Variants in CALCRL observed in about 807,000 individuals in gnomAD.
The protein encoded by CALCRL is calcitonin gene-related peptide type 1 receptor.
Under a neutral mutation model 60.4 loss-of-function variants are expected in CALCRL, and 27 were observed. The ratio of observed to expected loss-of-function variants is 0.45; its 90% confidence interval spans 0.33 to 0.62. The LOEUF (loss-of-function observed/expected upper bound fraction) is 0.62. CALCRL is among the 20% of genes least tolerant of loss of function. The pLI is 0.03. For synonymous variants in CALCRL, 190 were observed against 182.6 expected (o/e 1.04, Z -0.33); for missense variants, 424 against 540.7 (o/e 0.78, Z 2.14).
intron 1 of CALCRL, among the ~76,000 whole-genome samples, chr2:187,413,206 AAG>A (rs1322559972): frequency 1.3e-5 from 2 of 152,176 alleles, no homozygotes; most frequent in Admixed American, 6.5e-5. Context: ...GAGGGAGAGA[AAG>A]AGAATTCTAG....
intron 1 of CALCRL, among the ~76,000 whole-genome samples, chr2:187,418,056 G>C (rs1206802141): frequency 6.6e-6 from 1 of 152,134 alleles, no homozygotes; most frequent in African/African-American, 2.4e-5. Context: ...ACCCAGCTTA[G>C]TTTGAGGTTA....
At chr2:187,404,485 C>T (rs1454358116) in intron 1 of CALCRL, among the ~76,000 whole-genome samples, 3 of 151,040 alleles carry the variant, frequency 2.0e-5, no homozygotes, top group Admixed American at 6.6e-5. Context: ...CCCTAGGTAT[C>T]TTATAAACAC....
intron 1 of CALCRL, among the ~76,000 whole-genome samples, chr2:187,432,961 A>T (rs576529419): frequency 1.1e-4 from 17 of 152,140 alleles, no homozygotes; most frequent in African/African-American, 3.4e-4. Context: ...TACAGCCTAG[A>T]TGTGTAGTAG....
intron 1 of CALCRL, among the ~76,000 whole-genome samples, chr2:187,403,848 G>C (rs1689000340): frequency 6.6e-6 from 1 of 151,866 alleles, no homozygotes; most frequent in African/African-American, 2.4e-5. Flanking sequence ...CTCTGACTAA[G>C]TCTGGGTTAT....
chr2:187,413,404 T>A (rs1689451993), intron 1 of CALCRL, among the ~76,000 whole-genome samples: 1 of 152,204 alleles, frequency 6.6e-6, no homozygotes, highest in Non-Finnish European at 1.5e-5. Context: ...TGAATCACTA[T>A]TTTTATCTGA....
chr2:187,424,368 A>T (rs748598344), intron 1 of CALCRL, among the ~76,000 whole-genome samples: 1 of 152,050 alleles, frequency 6.6e-6, no homozygotes, highest in Non-Finnish European at 1.5e-5. Flanking sequence ...CCACAGCAGG[A>T]ACTTCCCATA....
chr2:187,377,836 G>A (rs1374581795), intron 8 of CALCRL, among the ~76,000 whole-genome samples: 1 of 151,922 alleles, frequency 6.6e-6, no homozygotes, highest in South Asian at 2.1e-4. Flanking sequence ...ATAAAATGCT[G>A]TTATAAAAAT....
At chr2:187,439,980 A>C (rs114176248) in intron 1 of CALCRL, among the ~76,000 whole-genome samples, 1,954 of 152,236 alleles carry the variant, frequency 0.013, 43 homozygotes, top group African/African-American at 0.044. Context: ...TGTGATGCTT[A>C]TGTAATGTAG....
At chr2:187,415,558 G>A (rs1689564834) in intron 1 of CALCRL, 1 of 474,432 alleles carries the variant, frequency 2.1e-6, no homozygotes. Context: ...CTCTGCCAAT[G>A]TGTCAGTGGT....
At chr2:187,434,005 A>G (rs963842101) in intron 1 of CALCRL, among the ~76,000 whole-genome samples, 2 of 151,008 alleles carry the variant, frequency 1.3e-5, no homozygotes, top group Non-Finnish European at 3.0e-5. Context: ...GTAAATGTGC[A>G]ACCAATTTTT....
intron 3 of CALCRL, among the ~76,000 whole-genome samples, chr2:187,386,133 A>AGATAGATAGATAGAT (rs57187212): frequency 0.7 from 105,818 of 151,538 alleles, 37,173 homozygotes; most frequent in East Asian, 0.87. Context: ...AACTTCTTAT[A>AGATAGATAGATAGAT]GATAGATAGA....
intron 14 of CALCRL, among the ~76,000 whole-genome samples, chr2:187,347,812 A>G (rs1261027102): frequency 6.6e-6 from 1 of 151,804 alleles, no homozygotes; most frequent in Non-Finnish European, 1.5e-5. Flanking sequence ...TCATGTAGGA[A>G]AAAAGAAGGA....
rs959881174 is a variant in CALCRL, at chr2:187,343,869, A to G, written c.*2315T>C. 1 of 151,646 alleles carries G rather than the reference A, an allele frequency of 6.6e-6. No individual in the cohort carries two copies. Among genetic ancestry groups the G allele is most frequent in the East Asian group, 1.9e-4 (1 of 5,196 alleles). 9.4% of individuals were successfully genotyped at this position (151,646 alleles called of 1,614,324 possible). A position where few individuals can be genotyped will look rare whatever the true frequency, so the allele number is the denominator to read the frequency against. On this transcript the variant is annotated 3_prime_UTR_variant, in exon 15 of 15. Transcript: ENST00000392370. ...CAAAACTAACAGTGATTAATCATGAATGACTGCTACGCCTCAAGACTCTAC... is the reference window on the plus strand; with the variant it reads ...CAAAACTAACAGTGATTAATCATGAGTGACTGCTACGCCTCAAGACTCTAC...
chr2:187,439,162 C>T (rs918072341), intron 1 of CALCRL, among the ~76,000 whole-genome samples: 11 of 151,978 alleles, frequency 7.2e-5, no homozygotes, highest in African/African-American at 1.9e-4. Flanking sequence ...CTGGAGCTTA[C>T]GTGTTAGTGG....
intron 12 of CALCRL, among the ~76,000 whole-genome samples, chr2:187,355,988 A>G (rs772655428): frequency 3.9e-5 from 6 of 152,166 alleles, no homozygotes; most frequent in Non-Finnish European, 7.3e-5. Context: ...CCACTGCTCA[A>G]GGAAATAGGA....
At chr2:187,431,475 A>G (rs551230016) in intron 1 of CALCRL, 69 of 154,884 alleles carry the variant, frequency 4.5e-4, no homozygotes, top group African/African-American at 1.6e-3. Context: ...TGTTAAAACC[A>G]TAAACATATA....
At chr2:187,415,541 C>CAG (rs1689563699) in intron 1 of CALCRL, 1 of 437,968 alleles carries the variant, frequency 2.3e-6, no homozygotes, top group Non-Finnish European at 4.2e-6. Flanking sequence ...ATGTTTGGGA[C>CAG]AGGAAACTCT....
At chr2:187,433,796 T>C (rs1000341717) in intron 1 of CALCRL, among the ~76,000 whole-genome samples, 12 of 151,986 alleles carry the variant, frequency 7.9e-5, no homozygotes, top group Non-Finnish European at 1.8e-4. Flanking sequence ...GAAGAGAAAA[T>C]CAGAACCTTG....
At chr2:187,347,898 A>T (rs1276780211) in intron 14 of CALCRL, among the ~76,000 whole-genome samples, 1 of 151,822 alleles carries the variant, frequency 6.6e-6, no homozygotes, top group African/African-American at 2.4e-5. Flanking sequence ...TCACTCTACT[A>T]TATAGTTCAA....
Sources: gnomAD v4.1 joint callset for allele counts (sites outside exome capture counted in the v4.1 genomes callset) on GRCh38, gnomAD v4.1.1 for gene constraint, MANE v1.5 for transcripts, NCBI Gene and HGNC (gene_info 2026-07-23, HGNC 2026-07-21) for gene names.